PTPRN2: variants seen among roughly 807,000 people sequenced by gnomAD.
The protein encoded by PTPRN2 is protein tyrosine phosphatase receptor type N2.
PTPRN2 carries 74 observed loss-of-function variants against 118.8 expected under a neutral mutation model. That is an observed-to-expected ratio of 0.62 (90% CI 0.52 to 0.76). The LOEUF is 0.76. Ranked by LOEUF, PTPRN2 falls within the 30% of genes least tolerant of loss-of-function variation. The probability of loss-of-function intolerance (pLI) is 0.00; values close to 1 mark genes in which losing one functional copy is unlikely to be tolerated. For missense variants in PTPRN2, 1,481 were observed against 1,394.4 expected, an observed-to-expected ratio of 1.06 and a Z score of -0.99; for synonymous variants, 641 against 608.0, an observed-to-expected ratio of 1.05 and a Z score of -0.80.
intron 2 of PTPRN2, among the ~76,000 whole-genome samples, chr7:158,317,310 G>A (rs528033140): frequency 6.6e-6 from 1 of 152,214 alleles, no homozygotes; most frequent in East Asian, 1.9e-4. Flanking sequence ...CAGTTTTCCA[G>A]ATGAAAAACA....
At chr7:158,073,025 G>A (rs1812059021) in intron 11 of PTPRN2, among the ~76,000 whole-genome samples, 1 of 152,098 alleles carries the variant, frequency 6.6e-6, no homozygotes, top group African/African-American at 2.4e-5. Flanking sequence ...CAGGACTCCT[G>A]GGCCGACCAC....
intron 16 of PTPRN2, 97 bp from the exon 17 acceptor site, chr7:157,595,412 C>T (rs1801241040): frequency 8.6e-7 from 1 of 1,169,140 alleles, no homozygotes; most frequent in Non-Finnish European, 1.3e-6. Context: ...GGTTAGGAAA[C>T]CCGGAGGTTA....
intron 1 of PTPRN2, among the ~76,000 whole-genome samples, chr7:158,514,421 A>G (rs1823391697): frequency 6.6e-6 from 1 of 152,168 alleles, no homozygotes; most frequent in Non-Finnish European, 1.5e-5. Context: ...CTGAACAAGC[A>G]TGGGCCTGGC....
At chr7:158,566,246 C>T (rs938693032) in intron 1 of PTPRN2, among the ~76,000 whole-genome samples, 2 of 151,856 alleles carry the variant, frequency 1.3e-5, no homozygotes, top group Non-Finnish European at 2.9e-5. Flanking sequence ...CCCAGGCACT[C>T]AGGAGACTGA....
At chr7:157,705,780 C>G (rs537799870) in intron 12 of PTPRN2, among the ~76,000 whole-genome samples, 2 of 144,662 alleles carry the variant, frequency 1.4e-5, no homozygotes, top group Admixed American at 1.4e-4. Context: ...TCCGGATAAA[C>G]GCGGACCATA....
At chr7:157,940,861 A>ATGTG (rs1800039839) in intron 11 of PTPRN2, among the ~76,000 whole-genome samples, 1 of 32,412 alleles carries the variant, frequency 3.1e-5, no homozygotes, top group Non-Finnish European at 4.4e-5. Context: ...TCTCCCCCAC[A>ATGTG]ACACTGCAAA....
chr7:157,693,152 G>A (rs1168733134), intron 12 of PTPRN2, among the ~76,000 whole-genome samples: 1 of 151,928 alleles, frequency 6.6e-6, no homozygotes, highest in Non-Finnish European at 1.5e-5. Flanking sequence ...CGGAGAGAAG[G>A]GACGGGGAGG....
chr7:158,164,223 G>A (rs536008357), intron 6 of PTPRN2, among the ~76,000 whole-genome samples: 9 of 152,278 alleles, frequency 5.9e-5, no homozygotes, highest in South Asian at 2.1e-4. Flanking sequence ...ACAGGAGCGC[G>A]CAGGAAGGGC....
intron 1 of PTPRN2, among the ~76,000 whole-genome samples, chr7:158,572,109 T>C (rs953409289): frequency 5.9e-5 from 9 of 152,208 alleles, no homozygotes; most frequent in African/African-American, 2.2e-4. Context: ...GGGAAGGTTC[T>C]GGAGGGCAGG....
At chr7:157,921,013 CA>C (rs1279787497) in intron 11 of PTPRN2, among the ~76,000 whole-genome samples, 5 of 152,228 alleles carry the variant, frequency 3.3e-5, no homozygotes, top group African/African-American at 1.2e-4. Flanking sequence ...TATGTCCATA[CA>C]AAAATATGCA....
chr7:157,898,847 C>A, intron 11 of PTPRN2, 110 bp from the exon 12 acceptor site: 1 of 940,308 alleles, frequency 1.1e-6, no homozygotes, highest in Non-Finnish European at 1.7e-6. Context: ...GACTGCTTGA[C>A]CCGCCTACCT....
At chr7:158,461,355 G>C (rs563437403) in intron 2 of PTPRN2, among the ~76,000 whole-genome samples, 1 of 152,196 alleles carries the variant, frequency 6.6e-6, no homozygotes, top group Non-Finnish European at 1.5e-5. Flanking sequence ...AATTAACCGG[G>C]CGTGGTGGCA....
chr7:157,997,071 C>T (rs1804804276), intron 11 of PTPRN2, among the ~76,000 whole-genome samples: 1 of 152,162 alleles, frequency 6.6e-6, no homozygotes, highest in African/African-American at 2.4e-5. Context: ...CCAGGGAGGG[C>T]TCGGCCCCAG....
At chr7:157,837,892 G>A (rs762974851) in intron 12 of PTPRN2, among the ~76,000 whole-genome samples, 11 of 152,270 alleles carry the variant, frequency 7.2e-5, no homozygotes, top group African/African-American at 2.4e-4. Flanking sequence ...AGTGGAGTCC[G>A]ACACTTGCTG....
chr7:158,033,830 G>A (rs1807880617), intron 11 of PTPRN2, among the ~76,000 whole-genome samples: 2 of 146,788 alleles, frequency 1.4e-5, no homozygotes. Flanking sequence ...GATAGAAACT[G>A]CACACTGAGG....
At chr7:157,666,588 T>TGGC (rs757327176) in intron 13 of PTPRN2, among the ~76,000 whole-genome samples, 192 of 151,994 alleles carry the variant, frequency 1.3e-3, no homozygotes, top group Non-Finnish European at 2.0e-3. Flanking sequence ...CTGCACGGTG[T>TGGC]GGCCGTGTAA....
At chr7:158,292,695 G>A (rs1800200712) in intron 3 of PTPRN2, among the ~76,000 whole-genome samples, 1 of 152,374 alleles carries the variant, frequency 6.6e-6, no homozygotes, top group East Asian at 1.9e-4. Context: ...TGTGCTGAAT[G>A]CTACAGGCAA....
chr7:157,774,558 G>T (rs1243231659), intron 12 of PTPRN2, among the ~76,000 whole-genome samples: 5 of 152,384 alleles, frequency 3.3e-5, no homozygotes, highest in African/African-American at 1.2e-4. Context: ...AATCTAGGTT[G>T]TGAGACCACA....
rs58820976 is a variant in PTPRN2, at chr7:157,779,395, G to A, written c.1789-96458C>T. Among the ~76,000 whole-genome samples the A allele has an allele frequency of 0.029, 4,425 of 152,246 alleles. 225 individuals carry two copies. The highest frequency in any genetic ancestry group is 0.1 in the African/African-American group (4,149 of 41,532). On this transcript the variant is annotated intron_variant, in intron 12 of 22. Coordinates refer to ENST00000389418, the MANE Select transcript of PTPRN2 (RefSeq NM_002847.5). The surrounding 1 kb of genome is among the most constrained non-coding windows in gnomAD (Gnocchi z 4.7). ...GCTTCTCATCTGACCAAAGAAGACC[G>A]TGTTTCCTGGGACCCTGCAGGCTGC...
Sources: allele counts gnomAD v4.1 joint callset (sites outside exome capture counted in the v4.1 genomes callset), GRCh38; gene constraint gnomAD v4.1.1; non-coding constraint Gnocchi (gnomAD v3.1); transcripts MANE v1.5; gene names NCBI Gene and HGNC (gene_info 2026-07-23, HGNC 2026-07-21).